The following LIMCH1 variants were observed in gnomAD, a reference collection of about 807,000 sequenced individuals.
LIMCH1 encodes LIM and calponin homology domains 1, also known as LIM and calponin homology domains-containing protein 1.
LIMCH1 carries 113 observed loss-of-function variants against 176.5 expected under a neutral mutation model. That is an observed-to-expected ratio of 0.64 (90% CI 0.55 to 0.75). LIMCH1 has a LOEUF of 0.75. Among genes scored for constraint, LIMCH1 ranks in the 30% least tolerant of loss-of-function variants. The pLI, the probability that LIMCH1 is intolerant of heterozygous loss-of-function variation, is 0.00. For missense variants in LIMCH1, 1,674 were observed against 1,814.9 expected, an observed-to-expected ratio of 0.92 and a Z score of 1.41; for synonymous variants, 619 against 645.9, an observed-to-expected ratio of 0.96 and a Z score of 0.63.
At position 41,650,544 on chromosome 4, in the gene LIMCH1, A is replaced by T. The variant is rs758722165; in HGVS notation, c.2972A>T (p.Lys991Ile). 1.2e-6 allele frequency: 2 copies of T among 1,614,082 alleles called. No individual in the cohort carries two copies. Among genetic ancestry groups the T allele is most frequent in the South Asian group, 2.2e-5 (2 of 91,070 alleles). ...ARVHGSPLEL[K>I]QDNGSIEINI... ...GTGCACGGGTCTCCACTGGAGCTGA[A>T]ACAAGACAACGGTAGCATCGAGATC... Residue 991 changes from lysine to isoleucine, a missense_variant, in exon 18 of 32, where the codon AAA (lysine) becomes ATA (isoleucine). By Grantham distance (102) the Lys-to-Ile change is moderately radical (BLOSUM62 -3). Coordinates refer to ENST00000503057, the MANE Select transcript of LIMCH1 (RefSeq NM_001330672.2).
intron 30 of LIMCH1, among the ~76,000 whole-genome samples, chr4:41,690,168 A>T (rs1724342784): frequency 6.6e-6 from 1 of 152,202 alleles, no homozygotes; most frequent in African/African-American, 2.4e-5. Flanking sequence ...TATCTTTGTT[A>T]TAGGTCCTTA....
intron 4 of LIMCH1, chr4:41,612,898 T>C: frequency 7.0e-7 from 1 of 1,428,890 alleles, no homozygotes; most frequent in Non-Finnish European, 9.1e-7. Context: ...GACAGCTCCC[T>C]TTCAGAGCAG....
intron 2 of LIMCH1, among the ~76,000 whole-genome samples, chr4:41,495,805 C>G (rs1316134750): frequency 6.6e-6 from 1 of 152,158 alleles, no homozygotes; most frequent in Non-Finnish European, 1.5e-5. Context: ...TGTTGAACCT[C>G]TCAACACAGC....
chr4:41,439,640 C>T (rs2062486062), intron 1 of LIMCH1, among the ~76,000 whole-genome samples: 1 of 151,794 alleles, frequency 6.6e-6, no homozygotes, highest in Admixed American at 6.6e-5. Flanking sequence ...TGCAGTGTGT[C>T]ACGCTTGGAA....
intron 3 of LIMCH1, among the ~76,000 whole-genome samples, chr4:41,532,277 T>C (rs961531389): frequency 1.3e-5 from 2 of 152,222 alleles, no homozygotes; most frequent in Admixed American, 1.3e-4. Context: ...CAGGTTGATA[T>C]GGCTTGTGTG....
intron 13 of LIMCH1, among the ~76,000 whole-genome samples, chr4:41,634,593 A>G (rs1562012705): frequency 1.3e-5 from 2 of 151,372 alleles, no homozygotes; most frequent in Non-Finnish European, 2.9e-5. Flanking sequence ...ACCTGAATTT[A>G]ATCTATATTT....
intron 14 of LIMCH1, among the ~76,000 whole-genome samples, chr4:41,640,963 C>T (rs1414470915): frequency 6.6e-6 from 1 of 152,194 alleles, no homozygotes; most frequent in Admixed American, 6.5e-5. Context: ...CACACTCTTT[C>T]CCTCCCAATA....
intron 21 of LIMCH1, chr4:41,670,598 C>A (rs2094980754): frequency 1.6e-6 from 1 of 611,750 alleles, no homozygotes; most frequent in Non-Finnish European, 2.8e-6. Context: ...GATTTACTGA[C>A]TCTCAATTCT....
intron 1 of LIMCH1, among the ~76,000 whole-genome samples, chr4:41,385,092 G>A (rs1486901420): frequency 6.6e-6 from 1 of 152,184 alleles, no homozygotes; most frequent in African/African-American, 2.4e-5. Context: ...CTTGAAGTTG[G>A]GAACATTCAG....
Position 41,697,839 on chromosome 4 carries a change from G to A in LIMCH1, c.*654G>A, listed in dbSNP as rs1731613327. 1 of 152,180 alleles carries A rather than the reference G, an allele frequency of 6.6e-6. No homozygotes were observed. The highest frequency in any genetic ancestry group is 2.4e-5 in the African/African-American group (1 of 41,442). 9.4% of individuals were successfully genotyped at this position (152,180 alleles called of 1,614,324 possible). ...AGATTCTGTGTACCTTGGAAGTTAT[G>A]TCATTAATATAGGCTGGTTCATCAA... On this transcript the variant is annotated 3_prime_UTR_variant, in exon 32 of 32. Coordinates refer to ENST00000503057, the MANE Select transcript of LIMCH1 (RefSeq NM_001330672.2).
intron 22 of LIMCH1, among the ~76,000 whole-genome samples, 177 bp from the exon 23 acceptor site, chr4:41,676,205 A>T (rs548708029): frequency 3.3e-5 from 5 of 152,364 alleles, no homozygotes; most frequent in Admixed American, 1.3e-4. Flanking sequence ...TAAACCAAAG[A>T]GGGACTAAGA....
At chr4:41,522,104 G>A (rs2076181662) in intron 2 of LIMCH1, among the ~76,000 whole-genome samples, 1 of 152,056 alleles carries the variant, frequency 6.6e-6, no homozygotes, top group South Asian at 2.1e-4. Flanking sequence ...TAACAACAAA[G>A]CTCAGATCTC....
At chr4:41,557,110 A>G (rs79743606) in intron 1 of LIMCH1, among the ~76,000 whole-genome samples, 4,206 of 152,262 alleles carry the variant, frequency 0.028, 200 homozygotes, top group African/African-American at 0.096. Context: ...GACAATCTTG[A>G]CACATAATAA....
intron 1 of LIMCH1, among the ~76,000 whole-genome samples, chr4:41,441,312 C>A (rs2062678338): frequency 6.6e-6 from 1 of 152,166 alleles, no homozygotes; most frequent in Admixed American, 6.6e-5. Flanking sequence ...AAGCAAAGAT[C>A]TAATTAATGT....
At chr4:41,488,059 C>CTCA (rs1325138015) in intron 1 of LIMCH1, among the ~76,000 whole-genome samples, 1 of 152,078 alleles carries the variant, frequency 6.6e-6, no homozygotes, top group African/African-American at 2.4e-5. Flanking sequence ...CTAGATACTG[C>CTCA]TCATCATCAT....
chr4:41,448,762 C>T (rs776066286), intron 1 of LIMCH1, among the ~76,000 whole-genome samples: 1 of 152,010 alleles, frequency 6.6e-6, no homozygotes, highest in African/African-American at 2.4e-5. Flanking sequence ...GAGGCTGTAG[C>T]GTCAGCGGAC....
At chr4:41,531,556 T>C (rs6447086) in intron 3 of LIMCH1, among the ~76,000 whole-genome samples, 59,899 of 150,722 alleles carry the variant, frequency 0.4, 13,268 homozygotes, top group African/African-American at 0.6. Context: ...AACCTCTCTA[T>C]GCCCAGTGAC....
At chr4:41,663,931 C>T (rs2094725541) in intron 20 of LIMCH1, among the ~76,000 whole-genome samples, 1 of 149,752 alleles carries the variant, frequency 6.7e-6, no homozygotes, top group Admixed American at 6.7e-5. Context: ...ATTCCAGATA[C>T]TGTGGAGGCT....
Position 41,633,093 on chromosome 4 carries a change from T to C in LIMCH1, c.1829+8T>C. The C allele has an allele frequency of 6.6e-7, 1 of 1,520,782 alleles. No homozygotes were observed. The highest frequency in any genetic ancestry group is 8.8e-7 in the Non-Finnish European group (1 of 1,134,076). 94.2% of individuals were successfully genotyped at this position (1,520,782 alleles called of 1,614,324 possible). A position where few individuals can be genotyped will look rare whatever the true frequency, so the allele number is the denominator to read the frequency against. On this transcript the variant is annotated splice_region_variant and intron_variant, in intron 12 of 31. Coordinates refer to ENST00000503057, the MANE Select transcript of LIMCH1 (RefSeq NM_001330672.2). ...GGACAGCAGCCAGCCACTGTGAGCA[T>C]CTTGCCTGCGCTCTGCTCCGTGGTG...
Sources: allele counts gnomAD v4.1 joint callset (sites outside exome capture counted in the v4.1 genomes callset), GRCh38; gene constraint gnomAD v4.1.1; transcripts MANE v1.5; gene names NCBI Gene and HGNC (gene_info 2026-07-23, HGNC 2026-07-21).